The following GRAP2 variants were observed in gnomAD, a reference collection of about 807,000 sequenced individuals.
The protein encoded by GRAP2 is GRB2-related adapter protein 2.
A neutral mutation model predicts 43.5 loss-of-function variants in GRAP2; 31 were observed. That is an observed-to-expected ratio of 0.71 (90% CI 0.54 to 0.96). The LOEUF is 0.96. GRAP2 is among the 40% of genes least tolerant of loss of function. GRAP2 has a pLI of 0.00. For synonymous variants in GRAP2, 156 were observed against 164.8 expected, an observed-to-expected ratio of 0.95 and a Z score of 0.41; for missense variants, 371 against 424.4, an observed-to-expected ratio of 0.87 and a Z score of 1.11.
At chr22:39,942,236 C>G (rs1473871689) in intron 1 of GRAP2, among the ~76,000 whole-genome samples, 1 of 152,112 alleles carries the variant, frequency 6.6e-6, no homozygotes, top group African/African-American at 2.4e-5. Context: ...TTTCCTACTT[C>G]TGAAAAGTGA....
intron 3 of GRAP2, among the ~76,000 whole-genome samples, chr22:39,956,592 C>T (rs2067055079): frequency 6.6e-6 from 1 of 152,040 alleles, no homozygotes. Flanking sequence ...CCTCAGCCTC[C>T]CTAGTAGCTG....
intron 3 of GRAP2, 127 bp downstream of exon 3, chr22:39,956,037 C>A: frequency 1.6e-6 from 1 of 624,518 alleles, no homozygotes; most frequent in Non-Finnish European, 3.0e-6. Flanking sequence ...GAGCTCTCTC[C>A]GGAGAGCCTC....
rs111858004 is a variant in GRAP2 at position 39,929,848 on chromosome 22, A to T, written c.-14-17245A>T. 3.3e-3 allele frequency among the ~76,000 whole-genome samples: 498 copies of T among 152,276 alleles called. 4 individuals are homozygous for T. Among genetic ancestry groups the T allele is most frequent in the African/African-American group, 0.012 (478 of 41,552 alleles). On this transcript the variant is annotated intron_variant, in intron 1 of 7. Coordinates refer to ENST00000344138, the MANE Select transcript of GRAP2 (RefSeq NM_004810.4). Reference sequence around the variant, plus strand: ...CACAAGCATTTCAAACACCCCTTTAATTATCTCCTCTTTCTGTATTCCCTT... The same window carrying T: ...CACAAGCATTTCAAACACCCCTTTATTTATCTCCTCTTTCTGTATTCCCTT...
At chr22:39,924,920 G>C (rs1352206923) in intron 1 of GRAP2, among the ~76,000 whole-genome samples, 2 of 152,160 alleles carry the variant, frequency 1.3e-5, no homozygotes, top group Non-Finnish European at 2.9e-5. Context: ...GTTCAGAAGA[G>C]GACAGGAGTA....
intron 1 of GRAP2, among the ~76,000 whole-genome samples, chr22:39,937,624 G>A (rs1233196825): frequency 1.3e-5 from 2 of 152,228 alleles, no homozygotes; most frequent in African/African-American, 4.8e-5. Flanking sequence ...TGAAGAAAGA[G>A]ACATTGAGCA....
chr22:39,933,563 G>A lies in GRAP2; in HGVS notation c.-14-13530G>A, dbSNP rs146614350. 3.3e-3 allele frequency among the ~76,000 whole-genome samples: 503 copies of A among 152,136 alleles called. 3 individuals are homozygous for A. Among genetic ancestry groups the A allele is most frequent in the African/African-American group, 0.012 (484 of 41,476 alleles). On this transcript the variant is annotated intron_variant, in intron 1 of 7. Transcript: ENST00000344138. Reference sequence around the variant, plus strand: ...CCTCAGAAAGTTGTGTGTCAAGGCCGGGTATGGTGGCTCACGTCTGTAATT... The same window carrying A: ...CCTCAGAAAGTTGTGTGTCAAGGCCAGGTATGGTGGCTCACGTCTGTAATT...
chr22:39,959,650 C>T (rs1180947707), intron 3 of GRAP2, among the ~76,000 whole-genome samples: 3 of 152,166 alleles, frequency 2.0e-5, no homozygotes, highest in African/African-American at 7.2e-5. Flanking sequence ...CTGGTTGGCT[C>T]CAGTGCCTGA....
chr22:39,966,017 G>C lies in GRAP2; in HGVS notation c.318G>C (p.Lys106Asn). The stretch of plus-strand genomic sequence containing the variant: ...ATGAGGATGACGTTCAACACTTCAA[G>C]GTCATGCGAGACAACAAGGGTAATT... ...VRHEDDVQHF[K>N]VMRDNKGNYF... Residue 106 changes from lysine to asparagine, a missense_variant, in exon 5 of 8, where the codon AAG becomes AAC. Coordinates refer to ENST00000344138, the MANE Select transcript of GRAP2 (RefSeq NM_004810.4). The C allele has an allele frequency of 6.2e-7, 1 of 1,614,118 alleles. No individual in the cohort carries two copies. Among genetic ancestry groups the C allele is most frequent in the Non-Finnish European group, 8.5e-7 (1 of 1,179,970 alleles).
intron 3 of GRAP2, among the ~76,000 whole-genome samples, chr22:39,958,602 C>T (rs1260700066): frequency 6.6e-6 from 1 of 152,184 alleles, no homozygotes; most frequent in East Asian, 1.9e-4. Flanking sequence ...ACCATGACCA[C>T]TCATGTCTAA....
At chr22:39,906,221 T>G (rs1229281494) in intron 1 of GRAP2, among the ~76,000 whole-genome samples, 1 of 152,198 alleles carries the variant, frequency 6.6e-6, no homozygotes, top group Non-Finnish European at 1.5e-5. Context: ...TTCTGTACTA[T>G]ATAAGATTTT....
chr22:39,932,717 A>G (rs902442422), intron 1 of GRAP2, among the ~76,000 whole-genome samples: 10 of 119,616 alleles, frequency 8.4e-5, no homozygotes, highest in Non-Finnish European at 1.6e-4. Flanking sequence ...TACCTGTCTC[A>G]AAAAAAAAAA....
At chr22:39,900,312 A>G (rs939470486), upstream of GRAP2, among the ~76,000 whole-genome samples, 12 of 152,228 alleles carry the variant, frequency 7.9e-5, 1 homozygote, top group Admixed American at 6.5e-4. Context: ...GTGAGCCAAC[A>G]TTTCCCTCCT....
intron 2 of GRAP2, among the ~76,000 whole-genome samples, chr22:39,949,794 G>T (rs1280885814): frequency 6.6e-6 from 1 of 152,148 alleles, no homozygotes; most frequent in Non-Finnish European, 1.5e-5. Context: ...GCATTATCGG[G>T]ATCATCCATC....
chr22:39,932,716 CAA>C (rs34623445), intron 1 of GRAP2, among the ~76,000 whole-genome samples: 61 of 95,232 alleles, frequency 6.4e-4, no homozygotes, highest in Admixed American at 1.0e-3. Context: ...ATACCTGTCT[CAA>C]AAAAAAAAAA....
At chr22:39,960,343 A>G in intron 4 of GRAP2, 169 bp downstream of exon 4, 1 of 637,814 alleles carries the variant, frequency 1.6e-6, no homozygotes, top group Non-Finnish European at 2.8e-6. Flanking sequence ...TGCCTTCCCA[A>G]AACATGCACA....
chr22:39,937,978 C>T (rs550413455), intron 1 of GRAP2, among the ~76,000 whole-genome samples: 1 of 151,200 alleles, frequency 6.6e-6, no homozygotes, highest in South Asian at 2.1e-4. Flanking sequence ...ATGCGTCTTG[C>T]ACTAAAAAAA....
chr22:39,921,964 T>C (rs2066656687), intron 1 of GRAP2, among the ~76,000 whole-genome samples: 1 of 152,184 alleles, frequency 6.6e-6, no homozygotes, highest in Admixed American at 6.5e-5. Flanking sequence ...AAAGTTGAGT[T>C]CCATCATATT....
At chr22:39,943,468 G>A (rs547810728) in intron 1 of GRAP2, among the ~76,000 whole-genome samples, 3 of 152,218 alleles carry the variant, frequency 2.0e-5, no homozygotes, top group East Asian at 1.9e-4. Flanking sequence ...AGGGGTAAGC[G>A]AGAGAGGTGC....
chr22:39,917,910 T>A (rs2066615991), intron 1 of GRAP2, among the ~76,000 whole-genome samples: 1 of 152,208 alleles, frequency 6.6e-6, no homozygotes, highest in East Asian at 1.9e-4. Flanking sequence ...AAGACAACTC[T>A]GCTTTCTTAG....
Sources: gnomAD v4.1 joint callset for allele counts (sites outside exome capture counted in the v4.1 genomes callset) on GRCh38, gnomAD v4.1.1 for gene constraint, MANE v1.5 for transcripts, NCBI Gene and HGNC (gene_info 2026-07-23, HGNC 2026-07-21) for gene names.